Variants in BAIAP2L1 observed in about 807,000 individuals in gnomAD.
BAIAP2L1 encodes BAR/IMD domain-containing adapter protein 2-like 1.
BAIAP2L1 carries 35 observed loss-of-function variants against 66.3 expected under a neutral mutation model. The observed-to-expected ratio is 0.53, with a 90% confidence interval of 0.40 to 0.70. The LOEUF is 0.70. Among genes scored for constraint, BAIAP2L1 ranks in the 30% least tolerant of loss-of-function variants. The pLI is 0.00. For synonymous variants in BAIAP2L1, 269 were observed against 248.7 expected (o/e 1.08, Z -0.77); for missense variants, 622 against 656.9 (o/e 0.95, Z 0.58).
intron 3 of BAIAP2L1, among the ~76,000 whole-genome samples, chr7:98,338,295 G>C (rs570081398): frequency 1.3e-5 from 2 of 151,868 alleles, no homozygotes; most frequent in Non-Finnish European, 2.9e-5. Context: ...GGTGGCGGGC[G>C]CCTGTGGTCC....
intron 11 of BAIAP2L1, among the ~76,000 whole-genome samples, chr7:98,304,659 T>C (rs2116842127): frequency 6.6e-6 from 1 of 152,246 alleles, no homozygotes; most frequent in East Asian, 1.9e-4. Context: ...GTGATTCTTC[T>C]GCTTCAGCCT....
chr7:98,351,455 T>TG (rs1348080399), intron 3 of BAIAP2L1, among the ~76,000 whole-genome samples: 4 of 152,146 alleles, frequency 2.6e-5, no homozygotes, highest in Non-Finnish European at 5.9e-5. Context: ...AGCTGGGTCC[T>TG]GGGAGTGTGA....
chr7:98,370,673 T>C (rs967459837), intron 1 of BAIAP2L1, among the ~76,000 whole-genome samples: 3 of 151,776 alleles, frequency 2.0e-5, no homozygotes, highest in African/African-American at 7.3e-5. Context: ...AGCTAATTTT[T>C]TGTATTTTTA....
chr7:98,377,688 C>T (rs912120918), intron 1 of BAIAP2L1, among the ~76,000 whole-genome samples: 7 of 151,270 alleles, frequency 4.6e-5, no homozygotes, highest in Non-Finnish European at 7.4e-5. Flanking sequence ...TGTGGTGGCA[C>T]GCGCCTGTAA....
intron 1 of BAIAP2L1, among the ~76,000 whole-genome samples, chr7:98,383,189 C>CA (rs138233070): frequency 0.25 from 37,634 of 148,968 alleles, 4,935 homozygotes; most frequent in East Asian, 0.45. Context: ...AACAAACAAA[C>CA]AAAAAAAAGA....
intron 3 of BAIAP2L1, among the ~76,000 whole-genome samples, chr7:98,353,351 A>G (rs1358547591): frequency 1.4e-5 from 2 of 139,640 alleles, no homozygotes; most frequent in Admixed American, 1.6e-4. Context: ...ATATATTTAT[A>G]TATTTATATA....
intron 1 of BAIAP2L1, among the ~76,000 whole-genome samples, chr7:98,368,477 G>T (rs951971717): frequency 2.6e-5 from 4 of 152,030 alleles, no homozygotes; most frequent in Non-Finnish European, 4.4e-5. Context: ...TGGATCACAA[G>T]GTCAGAAGAT....
At chr7:98,340,811 AG>A (rs36062826) in intron 3 of BAIAP2L1, among the ~76,000 whole-genome samples, 2,878 of 136,108 alleles carry the variant, frequency 0.021, 54 homozygotes, top group South Asian at 0.076. Flanking sequence ...TTTTTTTTGC[AG>A]GGGACAGAGT....
Position 98,307,945 on chromosome 7 carries a change from A to G in BAIAP2L1, c.956-49T>C, listed in dbSNP as rs1364385975. The G allele has an allele frequency of 3.2e-6, 5 of 1,571,100 alleles. No individual in the cohort carries two copies. In the South Asian group the frequency reaches 3.3e-5, roughly 10 times the overall value. ...ATGGCTTTTCAAAGCATGAGAATCA[A>G]TAGGCACATTCCAATGAGCAAACCC... On this transcript the variant is annotated intron_variant, in intron 9 of 13. Coordinates refer to ENST00000005260, the MANE Select transcript of BAIAP2L1 (RefSeq NM_018842.5).
At chr7:98,315,396 C>T (rs1297222328) in intron 7 of BAIAP2L1, 64 bp downstream of exon 7, 7 of 1,314,066 alleles carry the variant, frequency 5.3e-6, no homozygotes, top group Middle Eastern at 2.3e-4. Flanking sequence ...GCCCAGCCTT[C>T]TGGGGCATTT....
intron 1 of BAIAP2L1, chr7:98,400,231 G>A (rs1454409379): frequency 7.2e-6 from 1 of 138,338 alleles, no homozygotes; most frequent in African/African-American, 2.8e-5. Flanking sequence ...GGTCTCCAGA[G>A]CTCTGAGGGT....
chr7:98,351,254 C>T (rs1018047891), intron 3 of BAIAP2L1, among the ~76,000 whole-genome samples: 8 of 152,198 alleles, frequency 5.3e-5, no homozygotes, highest in South Asian at 2.1e-4. Flanking sequence ...ACACAAAAAA[C>T]GCGGAAGCAC....
chr7:98,368,334 G>A (rs1355355869), intron 1 of BAIAP2L1, among the ~76,000 whole-genome samples: 1 of 152,106 alleles, frequency 6.6e-6, no homozygotes, highest in African/African-American at 2.4e-5. Context: ...CCGGAGAATT[G>A]CTTGAATCTG....
intron 13 of BAIAP2L1, 92 bp downstream of exon 13, chr7:98,293,982 C>G: frequency 7.1e-7 from 1 of 1,413,646 alleles, no homozygotes; most frequent in Non-Finnish European, 9.9e-7. Flanking sequence ...TCAGGCTGGA[C>G]CCCCTGGGCT....
At chr7:98,299,024 G>T (rs1800304851) in intron 12 of BAIAP2L1, among the ~76,000 whole-genome samples, 1 of 151,516 alleles carries the variant, frequency 6.6e-6, no homozygotes, top group South Asian at 2.1e-4. Context: ...GTTTTTTGGT[G>T]TTTTTTTTGA....
intron 2 of BAIAP2L1, among the ~76,000 whole-genome samples, chr7:98,356,660 C>T (rs1243872236): frequency 6.2e-5 from 4 of 64,776 alleles, no homozygotes; most frequent in Non-Finnish European, 1.3e-4. Flanking sequence ...CCATTCCTGG[C>T]TAATTAAAAA....
At chr7:98,341,066 C>T (rs1453167147) in intron 3 of BAIAP2L1, among the ~76,000 whole-genome samples, 1 of 149,514 alleles carries the variant, frequency 6.7e-6, no homozygotes, top group African/African-American at 2.5e-5. Context: ...GAAAGAACAT[C>T]CACCCAAAAA....
In BAIAP2L1 at chr7:98,363,027, C is replaced by CTTTTTTTTTTT. The variant is rs71537235; in HGVS notation, c.52-606_52-596dup. ...CTTCTGGATGTCCCTGGCATTTTTTCTTTTTTTTTTTTTTTTTTTTTTTTT... is the reference window on the plus strand; with the variant it reads ...CTTCTGGATGTCCCTGGCATTTTTTCTTTTTTTTTTTTTTTTTTTTTTTTTTTTTTTTTTTT... On this transcript the variant is annotated intron_variant, in intron 1 of 13. Transcript: ENST00000005260. Among the ~76,000 whole-genome samples, 17 of 75,602 alleles carry CTTTTTTTTTTT rather than the reference C, an allele frequency of 2.2e-4. 1 individual carries two copies. Among genetic ancestry groups the CTTTTTTTTTTT allele is most frequent in the African/African-American group, 7.7e-4 (17 of 22,010 alleles). The allele number at this position is 75,602 out of a possible 152,430, so 49.6% of individuals were successfully genotyped here.
Position 98,388,731 on chromosome 7 carries a change from T to C in BAIAP2L1, c.51+12071A>G, listed in dbSNP as rs567038784. Among the ~76,000 whole-genome samples, 3 of 152,264 alleles carry C rather than the reference T, an allele frequency of 2.0e-5. No individual in the cohort carries two copies. In the South Asian group the frequency reaches 6.2e-4, roughly 32 times the overall value. ...GCTCACATCTGTAATCCCAGCACTT[T>C]GGGAGACCGATGCAGGCAGACGGCT... On this transcript the variant is annotated intron_variant, in intron 1 of 13. Transcript: ENST00000005260.
Sources: allele counts gnomAD v4.1 joint callset (sites outside exome capture counted in the v4.1 genomes callset), GRCh38; gene constraint gnomAD v4.1.1; transcripts MANE v1.5; gene names NCBI Gene and HGNC (gene_info 2026-07-23, HGNC 2026-07-21).